INPP4A: variants seen among roughly 807,000 people sequenced by gnomAD.
The protein encoded by INPP4A is inositol polyphosphate-4-phosphatase type I A.
INPP4A carries 33 observed loss-of-function variants against 119.8 expected under a neutral mutation model. That is an observed-to-expected ratio of 0.28 (90% CI 0.21 to 0.37). The LOEUF (loss-of-function observed/expected upper bound fraction) is 0.37, where lower values mean the gene tolerates loss of function less well. Among genes scored for constraint, INPP4A ranks in the 10% least tolerant of loss-of-function variants. The pLI is 1.00. For missense variants in INPP4A, 956 were observed against 1,289.9 expected (o/e 0.74, Z 3.97); for synonymous variants, 496 against 500.7 (o/e 0.99, Z 0.12).
At position 98,555,748 on chromosome 2, in the gene INPP4A, C is replaced by T; in HGVS notation, c.1762C>T (p.Pro588Ser). Residue 588 changes from proline to serine, a missense_variant, in exon 16 of 25, where the codon CCC (proline) becomes TCC (serine). By Grantham distance (74) the Pro-to-Ser change is moderately conservative. Coordinates refer to ENST00000409851, the MANE Select transcript of INPP4A (RefSeq NM_001134225.2). ...IRPEDPFCDV[P>S]SSPCPSTMPS... ...ACCAGAAGACCCCTTCTGTGATGTC[C>T]CCTCCTCACCATGCCCCTCCACCAT... The T allele has an allele frequency of 6.3e-7, 1 of 1,594,982 alleles. No homozygotes were observed. The highest frequency in any genetic ancestry group is 2.3e-5 in the East Asian group (1 of 43,894).
chr2:98,482,419 C>T (rs980799088), intron 1 of INPP4A, among the ~76,000 whole-genome samples: 25 of 152,208 alleles, frequency 1.6e-4, no homozygotes, highest in African/African-American at 6.0e-4. Flanking sequence ...GCACCTGGTT[C>T]AGAATATGGG....
chr2:98,547,324 C>A (rs1372234675), intron 13 of INPP4A, among the ~76,000 whole-genome samples: 1 of 152,168 alleles, frequency 6.6e-6, no homozygotes, highest in Non-Finnish European at 1.5e-5. Flanking sequence ...GAGCTCAGGG[C>A]CTTGCCTGGG....
At chr2:98,508,645 A>G (rs1007011143) in intron 1 of INPP4A, among the ~76,000 whole-genome samples, 1 of 152,212 alleles carries the variant, frequency 6.6e-6, no homozygotes, top group Non-Finnish European at 1.5e-5. Context: ...ACACGCTGGA[A>G]GGACTTCCTG....
chr2:98,450,373 T>G (rs1695016734), intron 1 of INPP4A, among the ~76,000 whole-genome samples: 1 of 152,264 alleles, frequency 6.6e-6, no homozygotes, highest in Non-Finnish European at 1.5e-5. Context: ...TATCAACAAT[T>G]TCTGTTTTCA....
chr2:98,488,563 C>G (rs531594223), intron 1 of INPP4A, among the ~76,000 whole-genome samples: 1 of 152,164 alleles, frequency 6.6e-6, no homozygotes, highest in Non-Finnish European at 1.5e-5. Context: ...AGTCACTCAC[C>G]CTCTCACCAG....
intron 1 of INPP4A, among the ~76,000 whole-genome samples, chr2:98,476,473 C>T (rs1350631797): frequency 6.6e-6 from 1 of 152,188 alleles, no homozygotes; most frequent in Admixed American, 6.5e-5. Context: ...TGGGGAAGAG[C>T]TCTCCTTCAC....
chr2:98,584,099 G>T (rs1219023314), intron 24 of INPP4A, among the ~76,000 whole-genome samples: 1 of 152,220 alleles, frequency 6.6e-6, no homozygotes, highest in Non-Finnish European at 1.5e-5. Context: ...CTCATGGGTG[G>T]TGTAAGCTGT....
intron 1 of INPP4A, among the ~76,000 whole-genome samples, chr2:98,478,825 C>T (rs1677800586): frequency 6.6e-6 from 1 of 152,194 alleles, no homozygotes; most frequent in Non-Finnish European, 1.5e-5. Context: ...GCACCCATGA[C>T]TTTCTGTGGT....
rs997410868 is a variant in INPP4A, at chr2:98,587,755, G to A, written c.*147G>A. On this transcript the variant is annotated 3_prime_UTR_variant, in exon 25 of 25. Coordinates refer to ENST00000409851, the MANE Select transcript of INPP4A (RefSeq NM_001134225.2). ...AACATTTCACTAAAGAGTCTCTGGA[G>A]CATGTTTTTTGTTTTTTGGGTTTTT... The A allele has an allele frequency of 2.9e-6, 2 of 678,562 alleles. No homozygotes were observed. The highest frequency in any genetic ancestry group is 3.1e-5 in the East Asian group (1 of 32,284). 42.0% of individuals were successfully genotyped at this position (678,562 alleles called of 1,614,324 possible).
chr2:98,497,311 G>T (rs1427024590), intron 1 of INPP4A, among the ~76,000 whole-genome samples: 2 of 152,258 alleles, frequency 1.3e-5, no homozygotes, highest in Non-Finnish European at 2.9e-5. Flanking sequence ...CCCTCATGAA[G>T]AATTTCTGCT....
intron 1 of INPP4A, among the ~76,000 whole-genome samples, chr2:98,504,297 T>C (rs1326802478): frequency 6.6e-6 from 1 of 152,250 alleles, no homozygotes; most frequent in Non-Finnish European, 1.5e-5. Flanking sequence ...TAGGGAAGAC[T>C]GAAGTCCTTT....
chr2:98,586,305 AC>A (rs1432275089), intron 24 of INPP4A, among the ~76,000 whole-genome samples: 1 of 151,860 alleles, frequency 6.6e-6, no homozygotes, highest in Non-Finnish European at 1.5e-5. Flanking sequence ...TGTCATTTTC[AC>A]TTTAAAAGGC....
intron 1 of INPP4A, among the ~76,000 whole-genome samples, chr2:98,497,783 A>G (rs943294379): frequency 1.3e-5 from 2 of 152,212 alleles, no homozygotes; most frequent in African/African-American, 2.4e-5. Context: ...TTGCATCAGC[A>G]TGACCTGGAT....
intron 14 of INPP4A, among the ~76,000 whole-genome samples, chr2:98,553,567 A>G (rs868699180): frequency 6.6e-6 from 1 of 151,886 alleles, no homozygotes; most frequent in South Asian, 2.1e-4. Flanking sequence ...ACACACACAC[A>G]CGCTCTCATA....
chr2:98,460,343 G>T (rs1183836536), intron 1 of INPP4A, among the ~76,000 whole-genome samples: 5 of 151,964 alleles, frequency 3.3e-5, no homozygotes, highest in Admixed American at 2.0e-4. Context: ...CAACCTGGGG[G>T]TCTTCAGAGA....
intron 4 of INPP4A, among the ~76,000 whole-genome samples, chr2:98,528,287 G>A (rs886336236): frequency 6.6e-6 from 1 of 151,834 alleles, no homozygotes; most frequent in South Asian, 2.1e-4. Flanking sequence ...CTCAACTGTA[G>A]GTTTGAGAAG....
chr2:98,461,717 C>A (rs1001875994), intron 1 of INPP4A, among the ~76,000 whole-genome samples: 1 of 152,210 alleles, frequency 6.6e-6, no homozygotes, highest in African/African-American at 2.4e-5. Flanking sequence ...TGCCAGCAGG[C>A]CTGCATGTGC....
At chr2:98,522,770 GAAAAAA>G (rs954857397) in intron 4 of INPP4A, among the ~76,000 whole-genome samples, 1 of 141,330 alleles carries the variant, frequency 7.1e-6, no homozygotes, top group East Asian at 2.0e-4. Context: ...CTTCCAGAAA[GAAAAAA>G]AAAAACAGGT....
At chr2:98,460,784 T>C (rs892109306) in intron 1 of INPP4A, among the ~76,000 whole-genome samples, 3 of 152,140 alleles carry the variant, frequency 2.0e-5, no homozygotes, top group African/African-American at 7.2e-5. Context: ...AGGGTGTCCC[T>C]GGCACCCATG....
Sources: gnomAD v4.1 joint callset for allele counts (sites outside exome capture counted in the v4.1 genomes callset) on GRCh38, gnomAD v4.1.1 for gene constraint, MANE v1.5 for transcripts, NCBI Gene and HGNC (gene_info 2026-07-23, HGNC 2026-07-21) for gene names.